The following DMD variants were observed in gnomAD, a reference collection of about 807,000 sequenced individuals.
DMD encodes the protein dystrophin.
In DMD, 63 loss-of-function variants were observed where a neutral mutation model predicts 330.1. That is an observed-to-expected ratio of 0.19 (90% CI 0.16 to 0.24). The LOEUF is 0.24. Ranked by LOEUF, DMD falls within the 10% of genes least tolerant of loss-of-function variation. DMD has a pLI of 1.00. For missense variants in DMD, 3,344 were observed against 2,684.1 expected (o/e 1.25, Z -5.43); for synonymous variants, 1,223 against 959.8 (o/e 1.27, Z -5.07).
At chrX:32,932,255 C>G (rs753312200) in intron 2 of DMD, among the ~76,000 whole-genome samples, 1 of 112,362 alleles carries the variant, frequency 8.9e-6, no homozygotes, top group Non-Finnish European at 1.9e-5. Flanking sequence ...CTGTTTCAAA[C>G]TGATTAACAC....
At chrX:32,803,467 C>T (rs1403248443) in intron 7 of DMD, among the ~76,000 whole-genome samples, 1 of 108,594 alleles carries the variant, frequency 9.2e-6, no homozygotes, top group African/African-American at 3.4e-5. Context: ...CTATCTCCTT[C>T]AGTTCTGCTC....
chrX:32,683,072 C>G (rs919460652), intron 9 of DMD, among the ~76,000 whole-genome samples: 4 of 111,558 alleles, frequency 3.6e-5, no homozygotes, highest in Admixed American at 2.9e-4. Context: ...ACTTAATAAA[C>G]ATTAAGTGAC....
At chrX:31,846,434 TACACACACACACACAC>T (rs67231830) in intron 48 of DMD, among the ~76,000 whole-genome samples, 10,772 of 95,314 alleles carry the variant, frequency 0.11, 470 homozygotes, top group South Asian at 0.26. Context: ...AATCAAGAAA[TACACACACACACACAC>T]ACACACACAC....
chrX:31,593,409 A>C (rs2076968012), intron 55 of DMD, among the ~76,000 whole-genome samples: 1 of 111,544 alleles, frequency 9.0e-6, no homozygotes, highest in Non-Finnish European at 1.9e-5. Flanking sequence ...CAAGTCCCAC[A>C]GAACACCAAT....
At chrX:32,567,979 T>A (rs757665404) in intron 15 of DMD, among the ~76,000 whole-genome samples, 1 of 112,253 alleles carries the variant, frequency 8.9e-6, no homozygotes, top group Non-Finnish European at 1.9e-5. Context: ...AGAAACTATT[T>A]TAAATAGCCA....
chrX:31,944,390 AAG>A (rs2095054081), intron 45 of DMD, among the ~76,000 whole-genome samples: 1 of 112,317 alleles, frequency 8.9e-6, no homozygotes. Context: ...TCTGTTGTAG[AAG>A]AGATAGTTTA....
At chrX:33,189,407 A>G (rs1002609330) in intron 1 of DMD, among the ~76,000 whole-genome samples, 15 of 111,867 alleles carry the variant, frequency 1.3e-4, no homozygotes, top group African/African-American at 4.9e-4. Flanking sequence ...TTGACAAAAT[A>G]TGGTGAAAGA....
chrX:31,563,649 A>G (rs1332218139), intron 55 of DMD, among the ~76,000 whole-genome samples: 1 of 112,189 alleles, frequency 8.9e-6, no homozygotes, highest in Non-Finnish European at 1.9e-5. Flanking sequence ...TTAAATTCCA[A>G]GATTTAAATA....
intron 61 of DMD, among the ~76,000 whole-genome samples, chrX:31,333,700 AT>A (rs1205515299): frequency 1.8e-4 from 19 of 103,006 alleles, no homozygotes; most frequent in African/African-American, 4.3e-4. Flanking sequence ...TTCCTCTTCG[AT>A]TTTTTTTTTC....
chrX:31,532,296 C>A (rs1464149071), intron 55 of DMD, among the ~76,000 whole-genome samples: 1 of 76,592 alleles, frequency 1.3e-5, no homozygotes, highest in Non-Finnish European at 2.3e-5. Flanking sequence ...TCGGCAGAAA[C>A]CCTACAAGCC....
intron 1 of DMD, among the ~76,000 whole-genome samples, chrX:33,095,060 CT>C (rs761130379): frequency 8.1e-5 from 9 of 111,465 alleles, no homozygotes; most frequent in Non-Finnish European, 1.7e-4. Context: ...ATGTAATTAC[CT>C]TTTGCTATTT....
intron 44 of DMD, among the ~76,000 whole-genome samples, chrX:32,107,324 A>G (rs2096568461): frequency 1.1e-5 from 1 of 94,437 alleles, no homozygotes; most frequent in Non-Finnish European, 2.1e-5. Context: ...GTATACACAC[A>G]CATATATAAT....
chrX:32,059,345 G>A (rs2096206103), intron 44 of DMD, among the ~76,000 whole-genome samples: 1 of 110,973 alleles, frequency 9.0e-6, no homozygotes, highest in Admixed American at 9.6e-5. Flanking sequence ...GTTGGGAAAT[G>A]GTATACCTGA....
intron 55 of DMD, among the ~76,000 whole-genome samples, chrX:31,550,705 G>T (rs2074422376): frequency 1.8e-5 from 2 of 111,485 alleles, no homozygotes; most frequent in African/African-American, 6.5e-5. Context: ...TATTATAAAG[G>T]TTATATATAC....
At position 33,256,001 on chromosome X, in the gene DMD, A is replaced by G. The variant is rs774154660; in HGVS notation, c.7+83258T>C. On this transcript the variant is annotated intron_variant, in intron 1 of 17. Coordinates refer to the DMD transcript ENST00000288447. ...TCAATTTAGTATTGACAGTCTGACC[A>G]TGGGTTTGAGTGAAAGTTTAGATTT... Among the ~76,000 whole-genome samples the G allele has an allele frequency of 4.7e-4, 52 of 111,487 alleles. 1 individual carries two copies. The highest frequency in any genetic ancestry group is 8.0e-4 in the Non-Finnish European group (42 of 52,542).
chrX:32,605,225 T>C (rs1296356827), intron 12 of DMD, among the ~76,000 whole-genome samples: 3 of 110,109 alleles, frequency 2.7e-5, no homozygotes, highest in Non-Finnish European at 5.7e-5. Context: ...TTTAACCAAA[T>C]TAAGAACCCA....
intron 29 of DMD, among the ~76,000 whole-genome samples, chrX:32,435,649 G>A (rs767074390): frequency 3.6e-5 from 4 of 110,749 alleles, no homozygotes; most frequent in Non-Finnish European, 7.6e-5. Context: ...ATTAAGTTCT[G>A]TCAGTAAAGG....
chrX:31,378,470 G>A (rs1221985103), intron 60 of DMD, among the ~76,000 whole-genome samples: 1 of 111,005 alleles, frequency 9.0e-6, no homozygotes, highest in African/African-American at 3.3e-5. Flanking sequence ...CGTTTTATCC[G>A]TGGACCCAAA....
chrX:31,293,237 G>A (rs1398563756), intron 62 of DMD, among the ~76,000 whole-genome samples: 1 of 96,738 alleles, frequency 1.0e-5, no homozygotes, highest in Non-Finnish European at 2.1e-5. Context: ...GTGTGTGTGT[G>A]TGTGTGTGTA....
Sources: allele counts gnomAD v4.1 joint callset (sites outside exome capture counted in the v4.1 genomes callset), GRCh38; gene constraint gnomAD v4.1.1; transcripts MANE v1.5; gene names NCBI Gene and HGNC (gene_info 2026-07-23, HGNC 2026-07-21).